DMBT1: variants seen among roughly 807,000 people sequenced by gnomAD.
DMBT1 encodes deleted in malignant brain tumors 1, also known as scavenger receptor cysteine-rich domain-containing protein DMBT1.
A neutral mutation model predicts 252.9 loss-of-function variants in DMBT1; 198 were observed. The ratio of observed to expected loss-of-function variants is 0.78; its 90% CI spans 0.70 to 0.88. The LOEUF is 0.88. DMBT1 is among the 40% of genes least tolerant of loss of function. The pLI is 0.00. For synonymous variants in DMBT1, 990 were observed against 942.7 expected (o/e 1.05, Z -0.92); for missense variants, 2,432 against 2,404.7 (o/e 1.01, Z -0.24).
intron 17 of DMBT1, among the ~76,000 whole-genome samples, chr10:122,589,501 C>G (rs910813177): frequency 6.8e-6 from 1 of 148,060 alleles, no homozygotes; most frequent in Admixed American, 6.7e-5. Flanking sequence ...GTTCCCCTAC[C>G]AAGGCAGCGC....
chr10:122,631,318 T>C (rs2133673503), intron 49 of DMBT1, 37 bp downstream of exon 49: 1 of 1,601,184 alleles, frequency 6.2e-7, no homozygotes, highest in Admixed American at 1.7e-5. Flanking sequence ...ATTTCACCTG[T>C]AACTTGCTAT....
chr10:122,586,261 G>A lies in DMBT1; in HGVS notation c.1661G>A (p.Gly554Glu), dbSNP rs533123480. The change falls in exon 16 of 56, where the codon GGA becomes GAA. Residue 554 changes from glycine (G) to glutamate (E), a missense_variant. Physicochemically the swap from Gly to Glu is moderately conservative, Grantham distance 98. Around this residue, in one of 3 missense-constraint regions of DMBT1, gnomAD observed 1,264 missense variants for 1,082.2 expected, o/e 1.17. Transcript: ENST00000338354. The part of the protein sequence containing the change: ...PGNARFGQGS[G>E]PIVLDDVRCS... ...AATGCCCGGTTTGGTCAGGGCTCAG[G>A]ACCCATTGTCCTGGATGACGTGCGC... 3 of 1,588,784 alleles carry A rather than the reference G, an allele frequency of 1.9e-6. No individual in the cohort carries two copies. The highest frequency in any genetic ancestry group is 3.4e-5 in the Admixed American group (2 of 59,528).
At chr10:122,638,283 CTTCACACCCA>C (rs138932297) in intron 54 of DMBT1, among the ~76,000 whole-genome samples, 15 of 142,238 alleles carry the variant, frequency 1.1e-4, no homozygotes, top group Admixed American at 1.0e-3. Flanking sequence ...GCTGAGGGCC[CTTCACACCCA>C]TTCACACCCA....
rs1390298656 is a variant in DMBT1, at chr10:122,598,095, C to G, written c.2956+83C>G. ...TTTCTGAAAATGATAGGATGAGGGT[C>G]AAGGTGGGCCCCTCTCTTTTTCATG... On this transcript the variant is annotated intron_variant, in intron 25 of 55. Transcript: ENST00000338354. 5 of 1,590,244 alleles carry G rather than the reference C, an allele frequency of 3.1e-6. No individual in the cohort carries two copies. The African/African-American group carries it at 4.0e-5, about 13-fold the overall frequency.
chr10:122,567,269 A>G (rs539098685), intron 2 of DMBT1, among the ~76,000 whole-genome samples: 154 of 152,304 alleles, frequency 1.0e-3, no homozygotes, highest in African/African-American at 3.5e-3. Flanking sequence ...GAGGGGGCGC[A>G]TTGCCCTGCT....
At position 122,618,123 on chromosome 10, in the gene DMBT1, C is replaced by G. The variant is rs746508310; in HGVS notation, c.4998C>G (p.Tyr1666Ter). The change falls in exon 41 of 56, where the codon TAC becomes TAG. Residue 1666 changes from tyrosine (Y) to a stop codon, truncating the protein, a stop_gained. Transcript: ENST00000338354. LOFTEE classifies it high-confidence loss of function. ...QGSWGTVCDD[Y>*]WDTNDANVVC... Reference sequence around the variant, plus strand: ...CCTGGGGCACCGTGTGTGATGACTACTGGGACACCAATGATGCCAACGTGG... The same window carrying G: ...CCTGGGGCACCGTGTGTGATGACTAGTGGGACACCAATGATGCCAACGTGG... 3 of 1,613,968 alleles carry G rather than the reference C, an allele frequency of 1.9e-6. No homozygotes were observed. In the South Asian group the frequency reaches 3.3e-5, roughly 18 times the overall value.
At chr10:122,590,541 C>A in intron 17 of DMBT1, 124 bp from the exon 18 acceptor site, 1 of 1,201,726 alleles carries the variant, frequency 8.3e-7, no homozygotes, top group African/African-American at 1.4e-5. Context: ...ATGGCAATGC[C>A]CCTCCCTCTG....
Position 122,577,819 on chromosome 10 carries a change from C to A in DMBT1, c.616C>A (p.Pro206Thr), listed in dbSNP as rs765242297. ...DAGVICSAAQ[P>T]QSTLRPESWP... ...CTATTTTTTTCTCACAGCTGCCCAGCCTCAGTCAACACTCAGGCCAGGTGA... is the reference window on the plus strand; with the variant it reads ...CTATTTTTTTCTCACAGCTGCCCAGACTCAGTCAACACTCAGGCCAGGTGA... The change falls in exon 8 of 56, where the codon CCT becomes ACT. Residue 206 changes from proline to threonine, a missense_variant. Coordinates refer to ENST00000338354, the MANE Select transcript of DMBT1 (RefSeq NM_001377530.1). The A allele has an allele frequency of 6.2e-7, 1 of 1,613,704 alleles. No homozygotes were observed.
chr10:122,586,757 C>T lies in DMBT1; in HGVS notation c.1783+374C>T, dbSNP rs183718645. On this transcript the variant is annotated intron_variant, in intron 16 of 55. Transcript: ENST00000338354. ...TGGGTCTTTGCAGGCTGCATAGGAGCATGGTGCAGGCATCTGCTCGGCTTC... is the reference window on the plus strand; with the variant it reads ...TGGGTCTTTGCAGGCTGCATAGGAGTATGGTGCAGGCATCTGCTCGGCTTC... 4.0e-5 allele frequency among the ~76,000 whole-genome samples: 6 copies of T among 148,788 alleles called. 1 individual carries two copies. Among genetic ancestry groups the T allele is most frequent in the African/African-American group, 9.7e-5 (4 of 41,276 alleles).
At chr10:122,570,410 G>A (rs2097650474) in intron 3 of DMBT1, among the ~76,000 whole-genome samples, 3 of 152,212 alleles carry the variant, frequency 2.0e-5, no homozygotes, top group African/African-American at 7.2e-5. Flanking sequence ...CCCCAAGGGG[G>A]CATGGTCCTC....
At chr10:122,580,481 C>A (rs960518500) in intron 10 of DMBT1, among the ~76,000 whole-genome samples, 1 of 152,188 alleles carries the variant, frequency 6.6e-6, no homozygotes, top group South Asian at 2.1e-4. Context: ...GGGCAGTCCC[C>A]ATGAGGCCAG....
chr10:122,592,811 C>T (rs1054044920), intron 20 of DMBT1, among the ~76,000 whole-genome samples: 2 of 148,642 alleles, frequency 1.3e-5, no homozygotes, highest in African/African-American at 4.9e-5. Flanking sequence ...AAACAACAAC[C>T]CAGACTTTAT....
In DMBT1 at chr10:122,579,148, A is replaced by G. The variant is rs373405916; in HGVS notation, c.679+389A>G. On this transcript the variant is annotated intron_variant, in intron 9 of 55. Transcript: ENST00000338354. The stretch of plus-strand genomic sequence containing the variant: ...TTCCAAGTGGTCAGAAAAGATCCTT[A>G]TCTATGGGCTCAGAACAAGCCCTGG... 4.2e-4 allele frequency among the ~76,000 whole-genome samples: 64 copies of G among 152,098 alleles called. 1 individual carries two copies. Among genetic ancestry groups the G allele is most frequent in the African/African-American group, 1.4e-3 (60 of 41,444 alleles).
At chr10:122,570,275 A>T in intron 3 of DMBT1, 66 bp downstream of exon 3, 1 of 1,301,630 alleles carries the variant, frequency 7.7e-7, no homozygotes, top group African/African-American at 1.4e-5. Flanking sequence ...TTCATCTCTG[A>T]TCCAGAAGAG....
chr10:122,640,196 G>GTTGCTAATGACACCATCCACC lies in DMBT1; in HGVS notation c.7107_7108insGACACCATCCACCTTGCTAAT (p.Asn2369_Asn2370insAspThrIleHisLeuAlaAsn). 6.2e-7 allele frequency: 1 copy of GTTGCTAATGACACCATCCACC among 1,614,036 alleles called. No individual in the cohort carries two copies. The highest frequency in any genetic ancestry group is 1.1e-5 in the South Asian group (1 of 91,082). On this transcript the variant is annotated inframe_insertion, in exon 55 of 56. Coordinates refer to ENST00000338354, the MANE Select transcript of DMBT1 (RefSeq NM_001377530.1). ...GTACATTGCTAATGACACCATCCAC[G>GTTGCTAATGACACCATCCACC]TTGCTAATAACACCATCCAGGTCGA...
chr10:122,573,782 A>G lies in DMBT1; in HGVS notation c.283+20A>G. Reference sequence around the variant, plus strand: ...CAGAAGGTAACGTCTACTATGGGGGATCCCTGTAGGCTCATTACCCCCCTG... The same window carrying G: ...CAGAAGGTAACGTCTACTATGGGGGGTCCCTGTAGGCTCATTACCCCCCTG... On this transcript the variant is annotated intron_variant, in intron 6 of 55. Coordinates refer to ENST00000338354, the MANE Select transcript of DMBT1 (RefSeq NM_001377530.1). 1 of 1,611,896 alleles carries G rather than the reference A, an allele frequency of 6.2e-7. No homozygotes were observed. Among genetic ancestry groups the G allele is most frequent in the Non-Finnish European group, 8.5e-7 (1 of 1,178,078 alleles).
At chr10:122,591,979 A>T (rs1473952727) in intron 19 of DMBT1, among the ~76,000 whole-genome samples, 4 of 148,982 alleles carry the variant, frequency 2.7e-5, no homozygotes, top group African/African-American at 4.9e-5. Flanking sequence ...CCTCTGGAGC[A>T]GTGGAGCTCC....
At position 122,637,143 on chromosome 10, in the gene DMBT1, C is replaced by T; in HGVS notation, c.6773C>T (p.Pro2258Leu). ...SNDSTNLLCL[P>L]NHMQASVSRS... ...TGTCTATCAGACCTGCTCTGTCTGC[C>T]AAATCACATGCAAGCCAGTGTGAGC... The change falls in exon 54 of 56, where the codon CCA (proline) becomes CTA (leucine). Residue 2258 changes from proline to leucine, a missense_variant. By Grantham distance (98) the Pro-to-Leu change is moderately conservative. Coordinates refer to ENST00000338354, the MANE Select transcript of DMBT1 (RefSeq NM_001377530.1). 1.2e-6 allele frequency: 2 copies of T among 1,613,894 alleles called. No individual in the cohort carries two copies. The highest frequency in any genetic ancestry group is 1.7e-6 in the Non-Finnish European group (2 of 1,179,838).
intron 41 of DMBT1, among the ~76,000 whole-genome samples, chr10:122,618,963 G>A (rs113481849): frequency 0.012 from 1,879 of 152,320 alleles, 45 homozygotes; most frequent in African/African-American, 0.043. Context: ...CCTGTGGTCG[G>A]GGCTGTAAGA....
Sources: gnomAD v4.1 joint callset for allele counts (sites outside exome capture counted in the v4.1 genomes callset) on GRCh38, gnomAD v4.1.1 for gene constraint, gnomAD v4.1.1 regional missense constraint, MANE v1.5 for transcripts, NCBI Gene and HGNC (gene_info 2026-07-23, HGNC 2026-07-21) for gene names.